The following AK8 variants were observed in gnomAD, a reference collection of about 807,000 sequenced individuals.
AK8 encodes ATP-AMP transphosphorylase 8.
In AK8, 44 loss-of-function variants were observed where a neutral mutation model predicts 54.6. That is an observed-to-expected ratio of 0.81 (90% CI 0.63 to 1.04). The LOEUF is 1.04. Among genes scored for constraint, AK8 ranks in the 50% least tolerant of loss-of-function variants. The pLI is 0.00. For synonymous variants in AK8, 239 were observed against 245.6 expected (o/e 0.97, Z 0.25); for missense variants, 555 against 613.6 (o/e 0.90, Z 1.01).
intron 10 of AK8, among the ~76,000 whole-genome samples, chr9:132,813,773 C>T (rs927311327): frequency 4.6e-5 from 7 of 152,128 alleles, no homozygotes; most frequent in Admixed American, 3.9e-4. Flanking sequence ...TACTGTGGGT[C>T]AGATCCTAGG....
intron 2 of AK8, 81 bp downstream of exon 2, chr9:132,875,034 G>T (rs1268726641): frequency 2.6e-6 from 4 of 1,551,912 alleles, no homozygotes; most frequent in Admixed American, 1.8e-5. Context: ...AGGAGGAGGA[G>T]GCAGAGGAGT....
rs975226321 is a variant in AK8 at position 132,855,101 on chromosome 9, C to T, written c.334-176G>A. Among the ~76,000 whole-genome samples the T allele has an allele frequency of 4.6e-5, 7 of 152,130 alleles. No individual in the cohort carries two copies. In the South Asian group the frequency reaches 6.2e-4, roughly 14 times the overall value. On this transcript the variant is annotated intron_variant, in intron 4 of 12. Coordinates refer to ENST00000298545, the MANE Select transcript of AK8 (RefSeq NM_152572.3). ...TCCTTGAACTCTCTTCTCCCCCCAG[C>T]ATCTTTGAGGGCCTCCCTCACACAT...
At chr9:132,769,326 C>T (rs944884844) in intron 11 of AK8, 1 of 152,240 alleles carries the variant, frequency 6.6e-6, no homozygotes. Flanking sequence ...AAGGATTCTT[C>T]AAGCTCTGAA....
chr9:132,875,061 G>GGAGGAGGAGGGGAAGGGAAGAC (rs1844029046), intron 2 of AK8, 54 bp downstream of exon 2: 1 of 1,602,076 alleles, frequency 6.2e-7, no homozygotes, highest in South Asian at 1.1e-5. Context: ...AGAAGGGGAA[G>GGAGGAGGAGGGGAAGGGAAGAC]GAGGAGGAGG....
chr9:132,761,262 TTCTTTTC>T (rs1325622913), intron 11 of AK8, among the ~76,000 whole-genome samples: 25 of 138,454 alleles, frequency 1.8e-4, no homozygotes, highest in African/African-American at 7.0e-4. Flanking sequence ...TTCTTTTCTT[TTCTTTTC>T]TTTTTTTTTT....
chr9:132,877,803 C>A (rs1328319050), intron 1 of AK8: 1 of 507,990 alleles, frequency 2.0e-6, no homozygotes, highest in East Asian at 5.3e-5. Flanking sequence ...TAATTGTCAG[C>A]GCCGGGAGAG....
intron 11 of AK8, among the ~76,000 whole-genome samples, chr9:132,784,330 C>T (rs1839601544): frequency 2.6e-5 from 4 of 152,090 alleles, no homozygotes. Context: ...ACCAGCCTGG[C>T]CAACATGGTG....
At chr9:132,792,501 T>A in intron 11 of AK8, 133 bp downstream of exon 11, 1 of 1,297,644 alleles carries the variant, frequency 7.7e-7, no homozygotes, top group Non-Finnish European at 1.0e-6. Flanking sequence ...TGGGTGGGAA[T>A]GGGGATGACC....
At chr9:132,824,527 G>A (rs1763310851) in intron 8 of AK8, among the ~76,000 whole-genome samples, 2 of 152,228 alleles carry the variant, frequency 1.3e-5, no homozygotes, top group African/African-American at 4.8e-5. Context: ...ATTCTTTGTT[G>A]CGGGGCTATT....
chr9:132,853,949 T>C (rs1201943349), intron 5 of AK8, among the ~76,000 whole-genome samples: 1 of 151,962 alleles, frequency 6.6e-6, no homozygotes, highest in Non-Finnish European at 1.5e-5. Flanking sequence ...AAAAAAACTG[T>C]TAACCTAGGA....
intron 5 of AK8, among the ~76,000 whole-genome samples, chr9:132,831,090 C>G (rs977922950): frequency 4.6e-5 from 7 of 152,188 alleles, no homozygotes; most frequent in African/African-American, 1.7e-4. Context: ...GACATTGGCT[C>G]TGGCCTCTTT....
In AK8 at chr9:132,799,088, G is replaced by A. The variant is rs1320109040; in HGVS notation, c.980-6313C>T. 6.6e-6 allele frequency among the ~76,000 whole-genome samples: 1 copy of A among 152,186 alleles called. No individual in the cohort carries two copies. On this transcript the variant is annotated intron_variant, in intron 10 of 12. Transcript: ENST00000298545. The surrounding 1 kb of genome is among the most constrained non-coding windows in gnomAD (Gnocchi z 5.0). ...CCAGCTCCAGAGCTGATGGGTGTGA[G>A]TAGGGAAGGGCTCGGAGAGAGCACC...
rs75085507 is a variant in AK8 at position 132,739,853 on chromosome 9, G to C, written c.1122-12319C>G. ...CTATAAACTAGGTCCAGGCCCCAAG[G>C]GGGAGGAAGGCAGGTTGATTGGGGG... On this transcript the variant is annotated intron_variant, in intron 11 of 12. Transcript: ENST00000298545. 1.2e-3 allele frequency among the ~76,000 whole-genome samples: 188 copies of C among 152,392 alleles called. 2 individuals carry two copies. Among genetic ancestry groups the C allele is most frequent in the African/African-American group, 3.2e-3 (133 of 41,590 alleles).
chr9:132,749,375 C>T (rs1416063791), intron 11 of AK8, among the ~76,000 whole-genome samples: 1 of 151,906 alleles, frequency 6.6e-6, no homozygotes, highest in Non-Finnish European at 1.5e-5. Context: ...CTCTGGCCTG[C>T]CATAACCACT....
In AK8 at chr9:132,837,671, T is replaced by C. The variant is rs1179205680; in HGVS notation, c.403-8945A>G. The stretch of plus-strand genomic sequence containing the variant: ...ATCGGAACACGCGTTCCTGTCCACA[T>C]GGAGTGCTACGGCTCTGTATGCAGA... On this transcript the variant is annotated intron_variant, in intron 5 of 12. Coordinates refer to ENST00000298545, the MANE Select transcript of AK8 (RefSeq NM_152572.3). The surrounding 1 kb of genome is among the most constrained non-coding windows in gnomAD (Gnocchi z 4.3). 6.6e-6 allele frequency among the ~76,000 whole-genome samples: 1 copy of C among 152,184 alleles called. No homozygotes were observed. The highest frequency in any genetic ancestry group is 2.4e-5 in the African/African-American group (1 of 41,440).
At chr9:132,771,646 G>A (rs888953024) in intron 11 of AK8, among the ~76,000 whole-genome samples, 3 of 142,716 alleles carry the variant, frequency 2.1e-5, no homozygotes, top group African/African-American at 3.1e-5. Context: ...TGTTCTGACT[G>A]CAATTCCCTT....
At chr9:132,745,033 G>A (rs893617402) in intron 11 of AK8, among the ~76,000 whole-genome samples, 2 of 152,164 alleles carry the variant, frequency 1.3e-5, no homozygotes, top group African/African-American at 4.8e-5. Flanking sequence ...GTTTCTGACA[G>A]CCCTTAAAAA....
intron 11 of AK8, among the ~76,000 whole-genome samples, chr9:132,776,763 C>A (rs181954510): frequency 9.8e-5 from 15 of 152,318 alleles, no homozygotes; most frequent in Non-Finnish European, 1.9e-4. Flanking sequence ...CACCCCAAGA[C>A]AGGAGAAGAC....
intron 10 of AK8, among the ~76,000 whole-genome samples, chr9:132,809,612 C>T (rs1840902253): frequency 6.6e-6 from 1 of 152,210 alleles, no homozygotes; most frequent in South Asian, 2.1e-4. Flanking sequence ...TGTCTCCAGG[C>T]CTGGCCTCCA....
Sources: allele counts gnomAD v4.1 joint callset (sites outside exome capture counted in the v4.1 genomes callset), GRCh38; gene constraint gnomAD v4.1.1; non-coding constraint Gnocchi (gnomAD v3.1); transcripts MANE v1.5; gene names NCBI Gene and HGNC (gene_info 2026-07-23, HGNC 2026-07-21).